Variants in SORCS2 observed in about 807,000 individuals in gnomAD.
SORCS2 encodes the protein sortilin related VPS10 domain containing receptor 2, also known as VPS10 domain-containing receptor SorCS2.
Under a neutral mutation model 141.6 loss-of-function variants are expected in SORCS2, and 100 were observed. The observed-to-expected ratio is 0.71, with a 90% CI of 0.60 to 0.83. The LOEUF (loss-of-function observed/expected upper bound fraction) is 0.83, where lower values mean the gene tolerates loss of function less well. SORCS2 is among the 40% of genes least tolerant of loss of function. The pLI is 0.00. For missense variants in SORCS2, 1,646 were observed against 1,560.2 expected (o/e 1.05, Z -0.93); for synonymous variants, 789 against 676.9 (o/e 1.17, Z -2.57).
chr4:7,316,712 G>C (rs1435714765), intron 1 of SORCS2, among the ~76,000 whole-genome samples: 1 of 152,202 alleles, frequency 6.6e-6, no homozygotes, highest in Non-Finnish European at 1.5e-5. Context: ...GTTCATAGTA[G>C]AAATAAATGG....
chr4:7,613,035 G>A (rs1229211910), intron 3 of SORCS2, among the ~76,000 whole-genome samples: 1 of 151,678 alleles, frequency 6.6e-6, no homozygotes, highest in Admixed American at 6.6e-5. Context: ...ACCTCTTTCT[G>A]CGGGGAGGAG....
chr4:7,664,362 A>G lies in SORCS2; in HGVS notation c.962A>G (p.Tyr321Cys). The G allele has an allele frequency of 6.2e-7, 1 of 1,613,382 alleles. No individual in the cohort carries two copies. The highest frequency in any genetic ancestry group is 8.5e-7 in the Non-Finnish European group (1 of 1,179,610). Residue 321 changes from tyrosine (Y) to cysteine (C), a missense_variant, in exon 7 of 27, where the codon TAC (tyrosine) becomes TGC (cysteine). Tyr to Cys is a radical substitution (Grantham distance 194, BLOSUM62 -2). Transcript: ENST00000507866. The surrounding 1 kb of genome is among the most constrained non-coding windows in gnomAD (Gnocchi z 4.7). ...CGCCTCTCTCCTGTAGATTTTCGGT[A>G]CGTCACCTGCGCAATCCACAATTGC... The part of the protein sequence containing the change: ...EAQDLGGDFR[Y>C]VTCAIHNCSE...
chr4:7,694,708 T>C (rs1267436062), intron 11 of SORCS2, among the ~76,000 whole-genome samples: 2 of 152,180 alleles, frequency 1.3e-5, no homozygotes, highest in Non-Finnish European at 2.9e-5. Context: ...ACTCACTTCA[T>C]TCATTCAGCA....
chr4:7,398,676 C>CT (rs1724375522), intron 2 of SORCS2, among the ~76,000 whole-genome samples: 1 of 152,042 alleles, frequency 6.6e-6, no homozygotes, highest in African/African-American at 2.4e-5. Flanking sequence ...GTTTTATATT[C>CT]TTTTTATCAT....
chr4:7,306,540 G>A (rs1392432356), intron 1 of SORCS2, among the ~76,000 whole-genome samples: 2 of 152,194 alleles, frequency 1.3e-5, no homozygotes, highest in African/African-American at 4.8e-5. Flanking sequence ...CTGGGTTGGG[G>A]GGTGTAAACT....
rs1362787571 is a variant in SORCS2 at position 7,695,915 on chromosome 4, GA to G, written c.1592-1282del. Among the ~76,000 whole-genome samples, 5 of 139,692 alleles carry G rather than the reference GA, an allele frequency of 3.6e-5. 2 individuals carry two copies. Among genetic ancestry groups the G allele is most frequent in the East Asian group, 4.3e-4 (2 of 4,658 alleles). 91.6% of individuals were successfully genotyped at this position (139,692 alleles called of 152,430 possible). On this transcript the variant is annotated intron_variant, in intron 11 of 26. Transcript: ENST00000507866. ...GGATGGATGGATGGATGGATGGATG[GA>G]TGGATGGATTGGTGGGTGGGTGGGT...
chr4:7,608,375 C>T (rs1302699586), intron 3 of SORCS2, among the ~76,000 whole-genome samples: 1 of 152,240 alleles, frequency 6.6e-6, no homozygotes, highest in Non-Finnish European at 1.5e-5. Context: ...CTGAAGCTAC[C>T]TTGCTCATTA....
chr4:7,298,795 G>A (rs1374003184), intron 1 of SORCS2, among the ~76,000 whole-genome samples: 1 of 152,222 alleles, frequency 6.6e-6, no homozygotes, highest in African/African-American at 2.4e-5. Context: ...CTGTGCCCAG[G>A]CCGGGTGCTG....
intron 12 of SORCS2, among the ~76,000 whole-genome samples, chr4:7,702,726 A>G (rs1284588563): frequency 6.6e-6 from 1 of 152,240 alleles, no homozygotes; most frequent in Non-Finnish European, 1.5e-5. Flanking sequence ...TGTGGGGCAC[A>G]GAAGGCTCAC....
At chr4:7,738,649 T>C (rs758075067) in intron 26 of SORCS2, among the ~76,000 whole-genome samples, 28 of 152,204 alleles carry the variant, frequency 1.8e-4, no homozygotes, top group Non-Finnish European at 2.5e-4. Context: ...GCCGTTCTGA[T>C]GATCCGGCTT....
At chr4:7,692,842 G>A (rs538916096) in intron 11 of SORCS2, among the ~76,000 whole-genome samples, 235 of 152,306 alleles carry the variant, frequency 1.5e-3, no homozygotes, top group Non-Finnish European at 2.8e-3. Flanking sequence ...GGAGTGCCGC[G>A]CTGGGGTCTC....
chr4:7,602,843 C>T (rs570065829), intron 3 of SORCS2, among the ~76,000 whole-genome samples: 5 of 152,310 alleles, frequency 3.3e-5, no homozygotes, highest in African/African-American at 4.8e-5. Flanking sequence ...ACCGAGATCA[C>T]GCCACTGCAC....
At chr4:7,701,384 A>T (rs1173156431) in intron 12 of SORCS2, among the ~76,000 whole-genome samples, 1 of 152,152 alleles carries the variant, frequency 6.6e-6, no homozygotes, top group Non-Finnish European at 1.5e-5. Context: ...TTCCTGGAGA[A>T]TTCCTAAGAG....
chr4:7,505,090 A>G (rs955359838), intron 2 of SORCS2, among the ~76,000 whole-genome samples: 1 of 152,354 alleles, frequency 6.6e-6, no homozygotes, highest in African/African-American at 2.4e-5. Flanking sequence ...TGTGCAGCCC[A>G]TGGTGGAACG....
At chr4:7,223,609 C>T (rs1017410591) in intron 1 of SORCS2, among the ~76,000 whole-genome samples, 11 of 152,128 alleles carry the variant, frequency 7.2e-5, no homozygotes, top group South Asian at 2.1e-4. Context: ...AGGAATGGGG[C>T]GTGTACTCAG....
At chr4:7,434,553 C>A in intron 2 of SORCS2, 6 of 1,613,538 alleles carry the variant, frequency 3.7e-6, no homozygotes, top group Non-Finnish European at 5.1e-6. Context: ...CATCCACCAT[C>A]CACTTGCATC....
intron 1 of SORCS2, among the ~76,000 whole-genome samples, chr4:7,199,005 C>T (rs569555009): frequency 6.6e-6 from 1 of 152,322 alleles, no homozygotes; most frequent in South Asian, 2.1e-4. Context: ...TCATATTTGC[C>T]TCCAAAGCAG....
At chr4:7,317,775 C>G (rs376809320) in intron 1 of SORCS2, among the ~76,000 whole-genome samples, 3 of 152,242 alleles carry the variant, frequency 2.0e-5, no homozygotes, top group African/African-American at 7.2e-5. Context: ...GAAGTACCAT[C>G]TGAAGGTGAG....
Position 7,689,510 on chromosome 4 carries a change from C to T in SORCS2, c.1513C>T (p.Leu505=). 2.5e-6 allele frequency: 4 copies of T among 1,604,480 alleles called. No homozygotes were observed. The highest frequency in any genetic ancestry group is 3.4e-6 in the Non-Finnish European group (4 of 1,176,108). The change falls in exon 11 of 27, where the codon CTG becomes TTG. Residue 505 remains leucine (L), a synonymous_variant. Coordinates refer to ENST00000507866, the MANE Select transcript of SORCS2 (RefSeq NM_020777.3). ...GCCAGACTGCCACCTGCACCTGCAC[C>T]TGCGCTGGGCAGACAACCCCTACGT... The part of the protein sequence containing the change: ...KPPDCHLHLH[L]RWADNPYVSG...
Sources: gnomAD v4.1 joint callset for allele counts (sites outside exome capture counted in the v4.1 genomes callset) on GRCh38, gnomAD v4.1.1 for gene constraint, Gnocchi (gnomAD v3.1) non-coding constraint, MANE v1.5 for transcripts, NCBI Gene and HGNC (gene_info 2026-07-23, HGNC 2026-07-21) for gene names.